The following CDAN1 variants were observed in gnomAD, a reference collection of about 807,000 sequenced individuals.
The protein encoded by CDAN1 is codanin-1.
In CDAN1, 107 loss-of-function variants were observed where a neutral mutation model predicts 139.8. That is an observed-to-expected ratio of 0.77 (90% CI 0.65 to 0.90). The LOEUF is 0.90. Ranked by LOEUF, CDAN1 falls within the 40% of genes least tolerant of loss-of-function variation. The probability of loss-of-function intolerance (pLI) is 0.00; values close to 1 mark genes in which losing one functional copy is unlikely to be tolerated. For synonymous variants in CDAN1, 776 were observed against 660.6 expected (o/e 1.17, Z -2.68); for missense variants, 1,667 against 1,575.7 (o/e 1.06, Z -0.98).
chr15:42,731,695 C>T lies in CDAN1; in HGVS notation c.1664G>A (p.Ser555Asn). Residue 555 changes from serine to asparagine, a missense_variant, in exon 11 of 28, where the codon AGT becomes AAT. Transcript: ENST00000356231. ...LQERLMAPQSSGGPCPPPTFP... is the reference protein window; with the variant it reads ...LQERLMAPQSNGGPCPPPTFP... The stretch of plus-strand genomic sequence containing the variant: ...GGTGGGGGGTGGGCAGGGCCCCCCA[C>T]TGCTCTGAGGAGCCATAAGCCGTTC... 6.2e-7 allele frequency: 1 copy of T among 1,614,158 alleles called. No individual in the cohort carries two copies. Among genetic ancestry groups the T allele is most frequent in the Non-Finnish European group, 8.5e-7 (1 of 1,180,018 alleles).
chr15:42,736,828 CG>C, intron 1 of CDAN1, 48 bp from the exon 2 acceptor site: 1 of 1,475,070 alleles, frequency 6.8e-7, no homozygotes, highest in Non-Finnish European at 9.0e-7. Context: ...GCCGCCGGCC[CG>C]CGGGCCGTGA....
chr15:42,726,247 G>C (rs560414741), intron 24 of CDAN1, 63 bp downstream of exon 24: 1 of 1,596,828 alleles, frequency 6.3e-7, no homozygotes, highest in Non-Finnish European at 8.6e-7. Flanking sequence ...GTGTGGCTCT[G>C]GTTATCAGGT....
chr15:42,727,208 C>CTGA (rs1471939367), intron 23 of CDAN1: 1 of 167,610 alleles, frequency 6.0e-6, no homozygotes, highest in African/African-American at 2.4e-5. Context: ...GTTAGGAGAA[C>CTGA]TGATGGTTTA....
At chr15:42,727,897 C>G in intron 22 of CDAN1, 58 bp downstream of exon 22, 9 of 1,601,760 alleles carry the variant, frequency 5.6e-6, no homozygotes, top group Non-Finnish European at 7.7e-6. Flanking sequence ...GCCTCTGACT[C>G]TCTGCCAGTC....
rs1226616378 is a variant in CDAN1 at position 42,729,870 on chromosome 15, C to T, written c.2278G>A (p.Glu760Lys). 2.5e-6 allele frequency: 4 copies of T among 1,613,442 alleles called. No homozygotes were observed. Among genetic ancestry groups the T allele is most frequent in the South Asian group, 2.2e-5 (2 of 90,998 alleles). ...GWLFQIPTVPEDLFFLEEGPS... is the reference protein window; with the variant it reads ...GWLFQIPTVPKDLFFLEEGPS... The stretch of plus-strand genomic sequence containing the variant: ...CCCTCTTCCAGAAAGAACAAGTCCT[C>T]AGGGACTGTGGGAATCTGGCAAGAC... The change falls in exon 16 of 28, where the codon GAG becomes AAG. Residue 760 changes from glutamate (E) to lysine (K), a missense_variant. By Grantham distance (56) the Glu-to-Lys change is moderately conservative. Coordinates refer to ENST00000356231, the MANE Select transcript of CDAN1 (RefSeq NM_138477.4).
Position 42,731,678 on chromosome 15 carries a change from G to C in CDAN1, c.1681C>G (p.Pro561Ala), listed in dbSNP as rs751652343. 3.7e-6 allele frequency: 6 copies of C among 1,614,160 alleles called. No homozygotes were observed. Among genetic ancestry groups the C allele is most frequent in the South Asian group, 1.1e-5 (1 of 91,082 alleles). The stretch of plus-strand genomic sequence containing the variant: ...CCTTGACAGCCTGGGAAGGTGGGGG[G>C]TGGGCAGGGCCCCCCACTGCTCTGA... ...APQSSGGPCP[P>A]PTFPGCQGFF... is the part of the protein sequence containing the mutation. Residue 561 changes from proline (P) to alanine (A), a missense_variant, in exon 11 of 28, where the codon CCC (proline) becomes GCC (alanine). By Grantham distance (27) the Pro-to-Ala change is conservative. Transcript: ENST00000356231.
Position 42,735,520 on chromosome 15 carries a change from C to G in CDAN1, c.933G>C (p.Ser311=). 3 of 1,614,214 alleles carry G rather than the reference C, an allele frequency of 1.9e-6. No individual in the cohort carries two copies. Among genetic ancestry groups the G allele is most frequent in the Non-Finnish European group, 2.5e-6 (3 of 1,180,040 alleles). Residue 311 remains serine, a synonymous_variant, in exon 4 of 28, where the codon TCG becomes TCC. Coordinates refer to ENST00000356231, the MANE Select transcript of CDAN1 (RefSeq NM_138477.4). ...TCCGCTCTCACTCACCAGCAATGCA[C>G]GAGGAGTAAACAAGGGCTACAAGCT... ...RLELVALVYS[S]CIAENLVPNL... is the part of the protein sequence containing the mutation.
chr15:42,726,791 C>T (rs1210264271), intron 23 of CDAN1: 1 of 268,550 alleles, frequency 3.7e-6, no homozygotes, highest in Non-Finnish European at 7.2e-6. Context: ...TCTCAAGCCT[C>T]TCTGTTCATC....
intron 8 of CDAN1, among the ~76,000 whole-genome samples, chr15:42,733,395 G>C (rs1317892612): frequency 6.6e-6 from 1 of 152,074 alleles, no homozygotes; most frequent in Non-Finnish European, 1.5e-5. Context: ...TCCTGCCTCA[G>C]CCTCCAGAGT....
Position 42,728,697 on chromosome 15 carries a change from G to A in CDAN1, c.2759C>T (p.Ser920Phe). The A allele has an allele frequency of 6.2e-7, 1 of 1,614,180 alleles. No individual in the cohort carries two copies. Among genetic ancestry groups the A allele is most frequent in the Non-Finnish European group, 8.5e-7 (1 of 1,180,038 alleles). Residue 920 changes from serine to phenylalanine, a missense_variant, in exon 20 of 28, where the codon TCC (serine) becomes TTC (phenylalanine). By Grantham distance (155) the Ser-to-Phe change is radical. Transcript: ENST00000356231. ...DPAQLLEILC[S>F]QLCPHGAQAL... is the part of the protein sequence containing the mutation. Reference sequence around the variant, plus strand: ...CTGGGCCCCGTGAGGGCACAGCTGGGAACACAAGATCTCCAACAGCTGGGC... The same window carrying A: ...CTGGGCCCCGTGAGGGCACAGCTGGAAACACAAGATCTCCAACAGCTGGGC...
chr15:42,735,300 CA>C lies in CDAN1; in HGVS notation c.1017del (p.Ala340ProfsTer8). ...FQLLTARRMV[T>X]AKDSDPELSP... is the part of the protein sequence containing the mutation. ...CTTAGTTCAGGGTCGCTGTCCTTGG[CA>C]GTCACCATCCTCCGGGCAGTGAGGA... On this transcript the variant is annotated frameshift_variant, in exon 5 of 28. Transcript: ENST00000356231. LOFTEE classifies it high-confidence loss of function. The C allele has an allele frequency of 6.2e-7, 1 of 1,610,054 alleles. No individual in the cohort carries two copies. Among genetic ancestry groups the C allele is most frequent in the Non-Finnish European group, 8.5e-7 (1 of 1,177,982 alleles).
At chr15:42,728,140 G>GACTACTCCGTGCACCTCCCC in intron 21 of CDAN1, 64 bp downstream of exon 21, 4 of 1,596,392 alleles carry the variant, frequency 2.5e-6, no homozygotes, top group Non-Finnish European at 3.4e-6. Flanking sequence ...CGCAGCCTCA[G>GACTACTCCGTGCACCTCCCC]ACTACTCCGT....
intron 22 of CDAN1, 41 bp downstream of exon 22, chr15:42,727,914 T>C (rs1287199124): frequency 1.2e-6 from 2 of 1,608,596 alleles, no homozygotes; most frequent in Non-Finnish European, 1.7e-6. Context: ...AGTCCACTTT[T>C]TAAACACTTG....
chr15:42,724,821 A>G lies in CDAN1; in HGVS notation c.3559-205T>C, dbSNP rs2061501294. The G allele has an allele frequency of 2.6e-5, 17 of 655,986 alleles. No homozygotes were observed. The South Asian group carries it at 3.1e-4, about 12-fold the overall frequency. 40.6% of individuals were successfully genotyped at this position (655,986 alleles called of 1,614,324 possible). ...AGGGAGCGAACTCTGATGGAGGCAC[A>G]GGCTTGACCAGTTTTTGAGTACTAC... On this transcript the variant is annotated intron_variant, in intron 27 of 27. Coordinates refer to ENST00000356231, the MANE Select transcript of CDAN1 (RefSeq NM_138477.4).
rs1358449779 is a variant in CDAN1, at chr15:42,732,339, T to C, written c.1527A>G (p.Leu509=). The C allele has an allele frequency of 1.2e-6, 2 of 1,613,708 alleles. No individual in the cohort carries two copies. Among genetic ancestry groups the C allele is most frequent in the Non-Finnish European group, 1.7e-6 (2 of 1,179,816 alleles). ...CTCTTGCTGGGGCTGTTACCTGGAG[T>C]AGTTGTTTTTGGAAAAGCCGAACAA... ...SHFVRLFQKQ[L]LQMCQSPGGA... Residue 509 remains leucine, a synonymous_variant, in exon 10 of 28, where the codon CTA becomes CTG. Transcript: ENST00000356231.
chr15:42,727,655 G>C lies in CDAN1; in HGVS notation c.3062C>G (p.Ala1021Gly). ...RGCSRACEHHAPLPSHLISEI... is the reference protein window; with the variant it reads ...RGCSRACEHHGPLPSHLISEI... ...GGAGATGAGGTGGGAGGGGAGGGGA[G>C]CATGGTGCTCACAGGCGCGGGAGCA... The change falls in exon 23 of 28, where the codon GCT becomes GGT. Residue 1021 changes from alanine to glycine, a missense_variant. Physicochemically the swap from Ala to Gly is moderately conservative, Grantham distance 60. Transcript: ENST00000356231. The C allele has an allele frequency of 1.3e-6, 2 of 1,587,306 alleles. No individual in the cohort carries two copies. Among genetic ancestry groups the C allele is most frequent in the Non-Finnish European group, 1.7e-6 (2 of 1,163,786 alleles).
rs886051159 is a variant in CDAN1, at chr15:42,736,616, C to T, written c.255G>A (p.Arg85=). The T allele has an allele frequency of 2.7e-6, 4 of 1,507,832 alleles. No individual in the cohort carries two copies. The East Asian group carries it at 1.1e-4, about 42-fold the overall frequency. 93.4% of individuals were successfully genotyped at this position (1,507,832 alleles called of 1,614,324 possible). The change falls in exon 2 of 28, where the codon AGG becomes AGA. Residue 85 remains arginine, a synonymous_variant. Transcript: ENST00000356231. ...TPGASAALPG[R]PGGPPRGSRG... ...GGCTACCCCGCGGCGGGCCTCCCGG[C>T]CTCCCTGGCAAGGCTGCCGAGGCGC...
At chr15:42,726,909 T>TAGTC (rs2140464612) in intron 23 of CDAN1, 1 of 178,976 alleles carries the variant, frequency 5.6e-6, no homozygotes, top group East Asian at 1.5e-4. Context: ...CTCCATTTTT[T>TAGTC]AGTCATTGTA....
chr15:42,729,769 T>C (rs771084402), intron 16 of CDAN1, 27 bp downstream of exon 16: 3 of 1,607,500 alleles, frequency 1.9e-6, no homozygotes, highest in Admixed American at 3.3e-5. Context: ...GAGTTTCCCA[T>C]GGCTCTGGCG....
Sources: gnomAD v4.1 joint callset for allele counts (sites outside exome capture counted in the v4.1 genomes callset) on GRCh38, gnomAD v4.1.1 for gene constraint, MANE v1.5 for transcripts, NCBI Gene and HGNC (gene_info 2026-07-23, HGNC 2026-07-21) for gene names.